Variants in NEBL observed in about 807,000 individuals in gnomAD.
The protein encoded by NEBL is nebulette.
A neutral mutation model predicts 140.2 loss-of-function variants in NEBL; 122 were observed. The ratio of observed to expected loss-of-function variants is 0.87; its 90% CI spans 0.75 to 1.01. NEBL has a LOEUF of 1.01. Among genes scored for constraint, NEBL ranks in the 50% least tolerant of loss-of-function variants. NEBL has a pLI of 0.00. For missense variants in NEBL, 1,365 were observed against 1,231.3 expected (o/e 1.11, Z -1.62); for synonymous variants, 436 against 398.9 (o/e 1.09, Z -1.11).
intron 13 of NEBL, among the ~76,000 whole-genome samples, chr10:20,838,841 A>G (rs2087322072): frequency 6.6e-6 from 1 of 152,216 alleles, no homozygotes; most frequent in Admixed American, 6.5e-5. Flanking sequence ...GATCATTAGC[A>G]CTATTATAAA....
chr10:21,174,106 A>T, exon 1 of NEBL: 5 of 890,076 alleles, frequency 5.6e-6, no homozygotes, highest in Non-Finnish European at 6.9e-6. Flanking sequence ...CTCGCACTCC[A>T]GGTACGGGTG....
At chr10:21,176,919 C>A (rs1267398352), upstream of NEBL, among the ~76,000 whole-genome samples, 2 of 152,122 alleles carry the variant, frequency 1.3e-5, no homozygotes, top group Non-Finnish European at 2.9e-5. Context: ...TTATAATCAC[C>A]TTTATTATTC....
chr10:21,207,360 C>T (rs1156247449), intron 3 of NEBL, among the ~76,000 whole-genome samples: 1 of 152,134 alleles, frequency 6.6e-6, no homozygotes, highest in Non-Finnish European at 1.5e-5. Context: ...ATGTGACTTT[C>T]AGTCATAAGG....
At chr10:20,896,929 A>G (rs1322324955) in intron 2 of NEBL, 29 bp downstream of exon 2, 45 of 1,601,638 alleles carry the variant, frequency 2.8e-5, no homozygotes, top group Non-Finnish European at 3.3e-5. Context: ...GCAATGCAAA[A>G]TAAGACAAAA....
chr10:20,797,178 C>T (rs537017665), intron 26 of NEBL, among the ~76,000 whole-genome samples: 2 of 152,296 alleles, frequency 1.3e-5, no homozygotes, highest in African/African-American at 2.4e-5. Context: ...GTGAATACTA[C>T]TGTCCATGTT....
At chr10:21,109,585 T>G (rs1308777247) in intron 2 of NEBL, among the ~76,000 whole-genome samples, 1 of 152,186 alleles carries the variant, frequency 6.6e-6, no homozygotes, top group Admixed American at 6.5e-5. Flanking sequence ...TTCCATCTCC[T>G]CTTTGTATCT....
chr10:21,132,142 C>T (rs1414871272), intron 2 of NEBL, among the ~76,000 whole-genome samples: 1 of 152,088 alleles, frequency 6.6e-6, no homozygotes, highest in Admixed American at 6.5e-5. Context: ...TCCCCATTAT[C>T]CCTATTCTCC....
chr10:20,834,468 A>G (rs1228880678), intron 14 of NEBL, among the ~76,000 whole-genome samples: 1 of 152,196 alleles, frequency 6.6e-6, no homozygotes, highest in Admixed American at 6.5e-5. Flanking sequence ...GTCTTATTCA[A>G]TCATGGCAAT....
intron 2 of NEBL, among the ~76,000 whole-genome samples, chr10:21,062,835 G>A (rs899178623): frequency 6.6e-6 from 1 of 152,132 alleles, no homozygotes; most frequent in Admixed American, 6.5e-5. Flanking sequence ...GTCTCTGGAA[G>A]GTAACAATGC....
chr10:20,788,681 C>T (rs557336789), intron 26 of NEBL, among the ~76,000 whole-genome samples: 4 of 152,088 alleles, frequency 2.6e-5, no homozygotes, highest in South Asian at 2.1e-4. Context: ...TAGTATATTG[C>T]AAAGTCATTA....
intron 2 of NEBL, among the ~76,000 whole-genome samples, chr10:21,166,381 CT>C (rs1840779445): frequency 6.6e-6 from 1 of 151,630 alleles, no homozygotes; most frequent in Non-Finnish European, 1.5e-5. Flanking sequence ...ATTCTCTTTT[CT>C]TCCTTCTTTC....
At chr10:21,183,658 T>G (rs931234990) in intron 3 of NEBL, among the ~76,000 whole-genome samples, 1 of 152,256 alleles carries the variant, frequency 6.6e-6, no homozygotes, top group Non-Finnish European at 1.5e-5. Flanking sequence ...CAACTAACTC[T>G]GCATTTAAGC....
At chr10:21,281,658 C>T (rs1487144840) in intron 1 of NEBL, among the ~76,000 whole-genome samples, 2 of 152,052 alleles carry the variant, frequency 1.3e-5, no homozygotes, top group African/African-American at 4.8e-5. Context: ...CTACATAAAC[C>T]TACGTTAACA....
At chr10:21,116,514 G>A (rs1259651804) in intron 2 of NEBL, among the ~76,000 whole-genome samples, 2 of 151,988 alleles carry the variant, frequency 1.3e-5, no homozygotes, top group African/African-American at 4.8e-5. Context: ...TTCAACATAC[G>A]GATTTGGTAA....
chr10:20,927,298 A>G (rs1833959817), intron 4 of NEBL, among the ~76,000 whole-genome samples: 1 of 152,232 alleles, frequency 6.6e-6, no homozygotes, highest in African/African-American at 2.4e-5. Context: ...TATTAACTTT[A>G]AATTATTCCT....
chr10:20,860,346 G>A (rs1843549588), intron 7 of NEBL, among the ~76,000 whole-genome samples: 1 of 151,852 alleles, frequency 6.6e-6, no homozygotes, highest in Non-Finnish European at 1.5e-5. Context: ...TCAACTTAAT[G>A]TCAATGTAAA....
chr10:20,814,609 T>TACAC (rs1265684219), intron 22 of NEBL, among the ~76,000 whole-genome samples: 2 of 98,314 alleles, frequency 2.0e-5, no homozygotes, highest in African/African-American at 9.5e-5. Context: ...AACACACACA[T>TACAC]ACACACATAC....
intron 2 of NEBL, among the ~76,000 whole-genome samples, chr10:21,120,687 A>C: frequency 6.9e-6 from 1 of 144,832 alleles, no homozygotes; most frequent in Admixed American, 6.8e-5. Context: ...CAGCAAAAAA[A>C]AAAAAAAAAA....
chr10:21,004,807 A>G (rs778601493), intron 3 of NEBL, among the ~76,000 whole-genome samples: 1 of 152,228 alleles, frequency 6.6e-6, no homozygotes, highest in South Asian at 2.1e-4. Context: ...ATGAATGAGC[A>G]TTCTCACCAT....
Sources: gnomAD v4.1 joint callset for allele counts (sites outside exome capture counted in the v4.1 genomes callset) on GRCh38, gnomAD v4.1.1 for gene constraint, MANE v1.5 for transcripts, NCBI Gene and HGNC (gene_info 2026-07-23, HGNC 2026-07-21) for gene names.